Variants in C2CD3 observed in about 807,000 individuals in gnomAD.
C2CD3 encodes C2 domain-containing protein 3.
A neutral mutation model predicts 234.0 loss-of-function variants in C2CD3; 148 were observed. The observed-to-expected ratio is 0.63, with a 90% confidence interval of 0.55 to 0.72. The LOEUF is 0.72. C2CD3 is among the 30% of genes least tolerant of loss of function. The pLI is 0.00. For missense variants in C2CD3, 2,577 were observed against 2,811.5 expected, an observed-to-expected ratio of 0.92 and a Z score of 1.89; for synonymous variants, 1,000 against 1,035.4, an observed-to-expected ratio of 0.97 and a Z score of 0.66.
chr11:74,062,439 G>A (rs1169543160), intron 24 of C2CD3, among the ~76,000 whole-genome samples: 1 of 152,186 alleles, frequency 6.6e-6, no homozygotes, highest in African/African-American at 2.4e-5. Context: ...AGACCACAGT[G>A]CAATCAAACT....
At chr11:74,137,552 CT>C (rs1025635098) in intron 5 of C2CD3, among the ~76,000 whole-genome samples, 7 of 140,704 alleles carry the variant, frequency 5.0e-5, no homozygotes, top group Non-Finnish European at 6.3e-5. Context: ...TATATATATA[CT>C]TTTTTTTGGA....
chr11:74,092,020 T>A (rs1055597750), intron 19 of C2CD3, among the ~76,000 whole-genome samples: 2 of 151,038 alleles, frequency 1.3e-5, no homozygotes, highest in East Asian at 1.9e-4. Context: ...ACTGTATATT[T>A]TATATATATA....
At chr11:74,056,560 T>C (rs1464926817) in intron 25 of C2CD3, among the ~76,000 whole-genome samples, 1 of 152,198 alleles carries the variant, frequency 6.6e-6, no homozygotes, top group African/African-American at 2.4e-5. Context: ...ACTTTACAGA[T>C]GAAGAATCTG....
At chr11:74,116,951 T>C (rs550773529) in intron 9 of C2CD3, among the ~76,000 whole-genome samples, 2 of 99,006 alleles carry the variant, frequency 2.0e-5, no homozygotes, top group Admixed American at 9.3e-5. Flanking sequence ...TATACACGTA[T>C]ATATGTGTAT....
chr11:74,109,730 G>C (rs1469767472), intron 11 of C2CD3, among the ~76,000 whole-genome samples: 1 of 152,128 alleles, frequency 6.6e-6, no homozygotes, highest in Non-Finnish European at 1.5e-5. Flanking sequence ...TAAAGTGATG[G>C]TGGTATTTGA....
At position 74,055,916 on chromosome 11, in the gene C2CD3, T is replaced by C. The variant is rs1274212705; in HGVS notation, c.5091-1245A>G. ...GTCCCTTCATCACGTTTGTGAAGTT[T>C]TGTAATTCTGTTAGGTTTTTAGGTT... On this transcript the variant is annotated intron_variant, in intron 25 of 32. Transcript: ENST00000334126. Among the ~76,000 whole-genome samples the C allele has an allele frequency of 2.6e-5, 4 of 152,254 alleles. No individual in the cohort carries two copies. The East Asian group carries it at 7.7e-4, about 29-fold the overall frequency.
intron 2 of C2CD3, among the ~76,000 whole-genome samples, chr11:74,167,052 G>A (rs1856858285): frequency 6.6e-6 from 1 of 152,066 alleles, no homozygotes; most frequent in Admixed American, 6.6e-5. Flanking sequence ...GAAAATGGAA[G>A]GGCAACTATA....
At chr11:74,020,146 C>A (rs531130125) in intron 32 of C2CD3, among the ~76,000 whole-genome samples, 6 of 152,344 alleles carry the variant, frequency 3.9e-5, no homozygotes, top group Admixed American at 6.5e-5. Flanking sequence ...GTGGGCTTAA[C>A]ACAGGAAGGC....
At position 74,049,364 on chromosome 11, in the gene C2CD3, C is replaced by T. The variant is rs890236326; in HGVS notation, c.5334G>A (p.Arg1778=). 5.6e-6 allele frequency: 9 copies of T among 1,614,040 alleles called. No homozygotes were observed. In the African/African-American group the frequency reaches 1.1e-4, roughly 19 times the overall value. ...LIHFKEERQA[R]RGVETSKSLI... ...GTGATTTTGAGGTCTCCACTCCACG[C>T]CTTGCTTGCCTTTCTTCTTTGAAGT... Residue 1778 remains arginine (R), a synonymous_variant, in exon 27 of 33, where the codon AGG becomes AGA. Coordinates refer to ENST00000334126, the MANE Select transcript of C2CD3 (RefSeq NM_001286577.2).
chr11:74,155,817 A>G (rs1243462035), intron 3 of C2CD3, among the ~76,000 whole-genome samples: 1 of 152,132 alleles, frequency 6.6e-6, no homozygotes, highest in African/African-American at 2.4e-5. Context: ...AGCAGTGATG[A>G]TTGTAAAAAC....
chr11:74,015,512 A>C (rs960983177), intron 32 of C2CD3, among the ~76,000 whole-genome samples: 1 of 152,162 alleles, frequency 6.6e-6, no homozygotes, highest in African/African-American at 2.4e-5. Flanking sequence ...GCTGTACTGC[A>C]GGTAGATTTT....
intron 30 of C2CD3, among the ~76,000 whole-genome samples, chr11:74,035,430 G>A (rs1266903726): frequency 6.6e-6 from 1 of 152,214 alleles, no homozygotes; most frequent in Non-Finnish European, 1.5e-5. Flanking sequence ...AGTTAAATAA[G>A]ATTGCTACAT....
At chr11:74,144,770 A>G (rs576553720) in intron 3 of C2CD3, among the ~76,000 whole-genome samples, 26 of 152,292 alleles carry the variant, frequency 1.7e-4, no homozygotes, top group Middle Eastern at 3.4e-3. Context: ...ATGTCCTGCA[A>G]AGGACATGAT....
intron 7 of C2CD3, chr11:74,128,400 TA>T (rs1303909274): frequency 3.9e-5 from 6 of 152,218 alleles, no homozygotes; most frequent in African/African-American, 1.4e-4. Flanking sequence ...GAATCCAATT[TA>T]TGTATCTTTT....
chr11:74,141,015 T>C (rs1958032047), intron 3 of C2CD3, among the ~76,000 whole-genome samples: 1 of 152,144 alleles, frequency 6.6e-6, no homozygotes, highest in Non-Finnish European at 1.5e-5. Flanking sequence ...GTGAAGGATA[T>C]ACTCCAAAGG....
At chr11:74,063,419 G>A (rs973005165) in intron 24 of C2CD3, among the ~76,000 whole-genome samples, 1 of 148,564 alleles carries the variant, frequency 6.7e-6, no homozygotes, top group African/African-American at 2.4e-5. Flanking sequence ...ACATCAAAAA[G>A]CTTATCCACC....
Position 74,057,673 on chromosome 11 carries a change from G to C in C2CD3, c.4952-129C>G, listed in dbSNP as rs570960988. 4.2e-6 allele frequency: 4 copies of C among 954,302 alleles called. No homozygotes were observed. In the African/African-American group the frequency reaches 4.9e-5, roughly 12 times the overall value. The allele number at this position is 954,302 out of a possible 1,614,324, so 59.1% of individuals were successfully genotyped here. A position where few individuals can be genotyped will look rare whatever the true frequency, so the allele number is the denominator to read the frequency against. ...GTCTTTGCTCAAGCTATCCCCCTGT[G>C]TCTGAAATGTTTTCAGGCTGGGTGT... On this transcript the variant is annotated intron_variant, in intron 24 of 32. Transcript: ENST00000334126.
chr11:74,109,426 G>A lies in C2CD3; in HGVS notation c.1844-274C>T, dbSNP rs1336220957. The A allele has an allele frequency of 9.3e-6, 3 of 324,308 alleles. No individual in the cohort carries two copies. The East Asian group carries it at 1.6e-4, about 17-fold the overall frequency. 20.1% of individuals were successfully genotyped at this position (324,308 alleles called of 1,614,324 possible). A position where few individuals can be genotyped will look rare whatever the true frequency, so the allele number is the denominator to read the frequency against. On this transcript the variant is annotated intron_variant, in intron 11 of 32. Transcript: ENST00000334126. Reference sequence around the variant, plus strand: ...TGTCAATCATATGAGTACTGGATGTGTAAGGAGACATATCTATATACTTCA... The same window carrying A: ...TGTCAATCATATGAGTACTGGATGTATAAGGAGACATATCTATATACTTCA...
intron 25 of C2CD3, among the ~76,000 whole-genome samples, chr11:74,055,417 A>G (rs1166076769): frequency 6.6e-6 from 1 of 152,230 alleles, no homozygotes; most frequent in Non-Finnish European, 1.5e-5. Context: ...AGTGTTGGAA[A>G]GTTCCAAACC....
Sources: allele counts gnomAD v4.1 joint callset (sites outside exome capture counted in the v4.1 genomes callset), GRCh38; gene constraint gnomAD v4.1.1; transcripts MANE v1.5; gene names NCBI Gene and HGNC (gene_info 2026-07-23, HGNC 2026-07-21).